The following DNAH10 variants were observed in gnomAD, a reference collection of about 807,000 sequenced individuals.
DNAH10 encodes axonemal beta dynein heavy chain 10.
Under a neutral mutation model 506.6 loss-of-function variants are expected in DNAH10, and 348 were observed. The observed-to-expected ratio is 0.69, with a 90% CI of 0.63 to 0.75. The LOEUF (loss-of-function observed/expected upper bound fraction) is 0.75, where lower values mean the gene tolerates loss of function less well. DNAH10 is among the 30% of genes least tolerant of loss of function. DNAH10 has a pLI of 0.00. For synonymous variants in DNAH10, 2,059 were observed against 2,198.6 expected, an observed-to-expected ratio of 0.94 and a Z score of 1.78; for missense variants, 5,179 against 5,787.1, an observed-to-expected ratio of 0.89 and a Z score of 3.41.
intron 76 of DNAH10, 135 bp from the exon 77 acceptor site, chr12:123,933,196 C>T: frequency 1.4e-6 from 1 of 733,992 alleles, no homozygotes; most frequent in Non-Finnish European, 2.0e-6. Flanking sequence ...AGACAGGCGG[C>T]CAGTTGTGCC....
rs1250366136 is a variant in DNAH10 at position 123,910,691 on chromosome 12, A to ACTGC, written c.10134+21_10134+24dup. Reference sequence around the variant, plus strand: ...AGAGAAGGTATTGCCCGAATGTAAGACTGCCACACCACTGCCAAGGGACCC... The same window carrying ACTGC: ...AGAGAAGGTATTGCCCGAATGTAAGACTGCCTGCCACACCACTGCCAAGGGACCC... On this transcript the variant is annotated intron_variant, in intron 59 of 78. Transcript: ENST00000673944. 1 of 1,608,942 alleles carries ACTGC rather than the reference A, an allele frequency of 6.2e-7. No homozygotes were observed. The highest frequency in any genetic ancestry group is 2.2e-5 in the East Asian group (1 of 44,870).
intron 50 of DNAH10, 147 bp from the exon 51 acceptor site, chr12:123,881,478 G>A (rs553797585): frequency 1.2e-4 from 91 of 772,928 alleles, no homozygotes; most frequent in African/African-American, 4.2e-4. Flanking sequence ...CGTATCCTTC[G>A]CCCACTTTTT....
At chr12:123,843,572 T>C (rs1015647130) in intron 30 of DNAH10, among the ~76,000 whole-genome samples, 2 of 150,206 alleles carry the variant, frequency 1.3e-5, no homozygotes, top group Admixed American at 6.6e-5. Context: ...TTTTCCTACT[T>C]ATTTATTTAT....
chr12:123,871,484 C>G lies in DNAH10; in HGVS notation c.7667C>G (p.Thr2556Ser). 6.3e-7 allele frequency: 1 copy of G among 1,581,444 alleles called. No individual in the cohort carries two copies. The highest frequency in any genetic ancestry group is 1.2e-5 in the South Asian group (1 of 86,442). ...LVHTVDTTRT[T>S]WILEQMVKIK... is the part of the protein sequence containing the mutation. ...CACACAGTGGATACCACTCGGACTACCTGGATATTGGAACAAATGGTTAAA... is the reference window on the plus strand; with the variant it reads ...CACACAGTGGATACCACTCGGACTAGCTGGATATTGGAACAAATGGTTAAA... Residue 2556 changes from threonine (T) to serine (S), a missense_variant, in exon 45 of 79, where the codon ACC becomes AGC. Physicochemically the swap from Thr to Ser is moderately conservative, Grantham distance 58 (BLOSUM62 1). Around this residue, in one of 3 missense-constraint regions of DNAH10, gnomAD observed 4,844 missense variants for 5,430.5 expected, o/e 0.89. Transcript: ENST00000673944.
At position 123,865,711 on chromosome 12, in the gene DNAH10, A is replaced by G. The variant is rs528094932; in HGVS notation, c.7045-240A>G. ...TCTATTTTTTGTCAGATATTCTACA[A>G]CGTATTAATTTTCACATTAATTTTA... is the stretch of plus-strand genomic sequence containing the variant. On this transcript the variant is annotated intron_variant, in intron 40 of 78. Transcript: ENST00000673944. 3.9e-5 allele frequency among the ~76,000 whole-genome samples: 6 copies of G among 152,320 alleles called. No individual in the cohort carries two copies. In the East Asian group the frequency reaches 7.7e-4, roughly 20 times the overall value.
intron 54 of DNAH10, among the ~76,000 whole-genome samples, chr12:123,895,645 G>T (rs73424821): frequency 0.14 from 20,602 of 152,140 alleles, 2,468 homozygotes; most frequent in African/African-American, 0.33. Context: ...GGGCGGGCTG[G>T]ATTTGTCCTT....
rs1954491391 is a variant in DNAH10 at position 123,916,609 on chromosome 12, G to A, written c.10875G>A (p.Gln3625=). 4 of 1,613,792 alleles carry A rather than the reference G, an allele frequency of 2.5e-6. No individual in the cohort carries two copies. In the East Asian group the frequency reaches 8.9e-5, roughly 36 times the overall value. Residue 3625 remains glutamine, a synonymous_variant, in exon 63 of 79, where the codon CAG becomes CAA. Transcript: ENST00000673944. The surrounding 1 kb of genome is among the most constrained non-coding windows in gnomAD (Gnocchi z 4.6). ...ATATAAAAGTCTCCCAAGGACGGCA[G>A]TTTATTATCCTGGGAGACAAGGAAG... The part of the protein sequence containing the change: ...EKNIKVSQGR[Q]FIILGDKEVD...
In DNAH10 at chr12:123,931,643, C is replaced by T. The variant is rs867950660; in HGVS notation, c.12924C>T (p.Ser4308=). 5 of 1,613,928 alleles carry T rather than the reference C, an allele frequency of 3.1e-6. No individual in the cohort carries two copies. In the Middle Eastern group the frequency reaches 4.9e-4, roughly 160 times the overall value. Residue 4308 remains serine (S), a synonymous_variant, in exon 75 of 79, where the codon TCC becomes TCT. Transcript: ENST00000673944. ...AAAGTGTCCTGGTTTTAGGGGAATC[C>T]AGCAGTGGTATCAGCCGCGATGATT... ...LLELQPQTGE[S]SSGISRDDYI...
At chr12:123,854,428 A>G (rs1160780483) in intron 36 of DNAH10, among the ~76,000 whole-genome samples, 1 of 152,146 alleles carries the variant, frequency 6.6e-6, no homozygotes, top group African/African-American at 2.4e-5. Context: ...GGCGGTGAAT[A>G]TGGTCCCATC....
rs1951879684 is a variant in DNAH10 at position 123,868,001 on chromosome 12, T to C, written c.7401T>C (p.Ser2467=). 1.2e-6 allele frequency: 2 copies of C among 1,613,936 alleles called. No homozygotes were observed. The highest frequency in any genetic ancestry group is 1.7e-6 in the Non-Finnish European group (2 of 1,179,886). The change falls in exon 43 of 79, where the codon TCT becomes TCC. Residue 2467 remains serine, a synonymous_variant. Coordinates refer to ENST00000673944, the MANE Select transcript of DNAH10 (RefSeq NM_001372106.1). ...ACTTCCTGGAGGCTTTGTACTGCTC[T>C]CTGGGAGCCTCCCTGCTTGAGGATG... ...ECYFLEALYC[S]LGASLLEDGR... is the part of the protein sequence containing the mutation.
Position 123,784,146 on chromosome 12 carries a change from G to A in DNAH10, c.1199G>A (p.Arg400His), listed in dbSNP as rs141506707. 6.6e-5 allele frequency: 106 copies of A among 1,614,210 alleles called. 1 individual carries two copies. The African/African-American group carries it at 1.2e-3, about 18-fold the overall frequency. Reference sequence around the variant, plus strand: ...CACACGGAGGCCTCAGACAATGTGCGCTTTCTCTCCACCGTGGAGCGTTAT... The same window carrying A: ...CACACGGAGGCCTCAGACAATGTGCACTTTCTCTCCACCGTGGAGCGTTAT... ...KFHTEASDNV[R>H]FLSTVERYFK... Residue 400 changes from arginine to histidine, a missense_variant, in exon 8 of 79, where the codon CGC becomes CAC. By Grantham distance (29) the Arg-to-His change is conservative (BLOSUM62 0). This residue lies in a region of DNAH10 where 4,844 missense variants were observed against 5,430.5 expected (regional missense o/e 0.89). Transcript: ENST00000673944.
At chr12:123,923,631 A>G in intron 65 of DNAH10, 132 bp from the exon 66 acceptor site, 1 of 602,668 alleles carries the variant, frequency 1.7e-6, no homozygotes, top group Non-Finnish European at 2.9e-6. Flanking sequence ...CATTAGGTGC[A>G]AAGAGGGGTA....
Position 123,846,512 on chromosome 12 carries a change from C to T in DNAH10, c.5814+358C>T, listed in dbSNP as rs763988955. Among the ~76,000 whole-genome samples the T allele has an allele frequency of 3.3e-5, 5 of 152,170 alleles. No homozygotes were observed. The highest frequency in any genetic ancestry group is 1.9e-4 in the East Asian group (1 of 5,198). On this transcript the variant is annotated intron_variant, in intron 32 of 78. Coordinates refer to ENST00000673944, the MANE Select transcript of DNAH10 (RefSeq NM_001372106.1). The surrounding 1 kb of genome is among the most constrained non-coding windows in gnomAD (Gnocchi z 4.5). ...TCCAGAATATATCCGTTCAAGTGAA[C>T]GGCCTTGGATGATAGAGATAGTGTC...
At chr12:123,791,763 G>A (rs1355871921) in intron 11 of DNAH10, among the ~76,000 whole-genome samples, 1 of 151,938 alleles carries the variant, frequency 6.6e-6, no homozygotes, top group African/African-American at 2.4e-5. Context: ...TAGAGATGAG[G>A]TCTCACTCTG....
rs1017378381 is a variant in DNAH10 at position 123,794,105 on chromosome 12, G to C, written c.1979G>C (p.Cys660Ser). 160 of 1,194,350 alleles carry C rather than the reference G, an allele frequency of 1.3e-4. No homozygotes were observed. Among genetic ancestry groups the C allele is most frequent in the African/African-American group, 1.6e-4 (10 of 62,708 alleles). 74.0% of individuals were successfully genotyped at this position (1,194,350 alleles called of 1,614,324 possible). The change falls in exon 12 of 79, where the codon TGT becomes TCT. Residue 660 changes from cysteine (C) to serine (S), a missense_variant. Physicochemically the swap from Cys to Ser is moderately radical, Grantham distance 112 (BLOSUM62 -1). Coordinates refer to ENST00000673944, the MANE Select transcript of DNAH10 (RefSeq NM_001372106.1). ...TTTAATGATATTCTTGCACAGTACT[G>C]TAAAGAGGTAATTGAAAAATCGATA... ...MKFNDILAQY[C>S]KEIDIINKIF...
chr12:123,862,973 A>G (rs1951669333), intron 39 of DNAH10, among the ~76,000 whole-genome samples: 1 of 152,190 alleles, frequency 6.6e-6, no homozygotes. Context: ...ACAATTGGGG[A>G]ATCTGACTGA....
chr12:123,818,614 G>T (rs1277069681), intron 21 of DNAH10, among the ~76,000 whole-genome samples: 2 of 152,064 alleles, frequency 1.3e-5, no homozygotes, highest in Admixed American at 1.3e-4. Flanking sequence ...GTGAGCCACT[G>T]TGCCCAGCCT....
chr12:123,932,207 C>A, intron 76 of DNAH10, 99 bp downstream of exon 76: 2 of 1,441,034 alleles, frequency 1.4e-6, no homozygotes, highest in Non-Finnish European at 1.9e-6. Context: ...CCAGCAGTAA[C>A]CTCTGTTAAA....
intron 32 of DNAH10, among the ~76,000 whole-genome samples, chr12:123,847,532 G>A (rs558978123): frequency 6.6e-6 from 1 of 152,094 alleles, no homozygotes; most frequent in East Asian, 1.9e-4. Context: ...CTGAGAACCC[G>A]AAGTGCCAAG....
Sources: allele counts gnomAD v4.1 joint callset (sites outside exome capture counted in the v4.1 genomes callset), GRCh38; gene constraint gnomAD v4.1.1; regional missense constraint gnomAD v4.1.1; non-coding constraint Gnocchi (gnomAD v3.1); transcripts MANE v1.5; gene names NCBI Gene and HGNC (gene_info 2026-07-23, HGNC 2026-07-21).